HERC3: variants seen among roughly 807,000 people sequenced by gnomAD.
The protein encoded by HERC3 is probable E3 ubiquitin-protein ligase HERC3.
A neutral mutation model predicts 129.9 loss-of-function variants in HERC3; 58 were observed. That is an observed-to-expected ratio of 0.45 (90% CI 0.36 to 0.56). The LOEUF (loss-of-function observed/expected upper bound fraction) is 0.56, where lower values mean the gene tolerates loss of function less well. HERC3 is among the 20% of genes least tolerant of loss of function. The probability of loss-of-function intolerance (pLI) is 0.00; values close to 1 mark genes in which losing one functional copy is unlikely to be tolerated. For missense variants in HERC3, 835 were observed against 1,244.2 expected (o/e 0.67, Z 4.95); for synonymous variants, 430 against 451.0 (o/e 0.95, Z 0.59).
the HERC3 span, among the ~76,000 whole-genome samples, chr4:88,575,629 A>T: frequency 1.3e-5 from 2 of 152,238 alleles, no homozygotes. Flanking sequence ...TTTACATTAG[A>T]CATTCAGTAA....
chr4:88,545,593 A>AT, the HERC3 span, among the ~76,000 whole-genome samples: 12 of 151,468 alleles, frequency 7.9e-5, no homozygotes, highest in Admixed American at 7.9e-4. Context: ...ATGTATGAGA[A>AT]TTTTTTTTCT....
the HERC3 span, among the ~76,000 whole-genome samples, chr4:88,557,271 T>A: frequency 6.6e-6 from 1 of 152,218 alleles, no homozygotes; most frequent in East Asian, 1.9e-4. Flanking sequence ...AGTTACTTAA[T>A]GTTAAGAGCT....
chr4:88,649,886 T>TGGCGAGTCCCACAGTCTGGCCCTCAGTG lies in HERC3; in HGVS notation c.274_301dup (p.Asp101GlyfsTer10), dbSNP rs755930923. 6.2e-7 allele frequency: 1 copy of TGGCGAGTCCCACAGTCTGGCCCTCAGTG among 1,614,076 alleles called. No homozygotes were observed. On this transcript the variant is annotated frameshift_variant, in exon 4 of 26. Coordinates refer to ENST00000402738, the MANE Select transcript of HERC3 (RefSeq NM_014606.3). LOFTEE classifies it high-confidence loss of function. ...ATCAGCATATCATTCATGTGGCATG[T>TGGCGAGTCCCACAGTCTGGCCCTCAGTG]GGCGAGTCCCACAGTCTGGCCCTCA...
Position 88,707,115 on chromosome 4 carries a change from T to C in HERC3, c.*155T>C, listed in dbSNP as rs1735851353. Reference sequence around the variant, plus strand: ...TGGTTGATGTGTTTCTGGGATTGTATAGCAGTAAACAACCTTTTTGAAAAA... The same window carrying C: ...TGGTTGATGTGTTTCTGGGATTGTACAGCAGTAAACAACCTTTTTGAAAAA... On this transcript the variant is annotated 3_prime_UTR_variant, in exon 26 of 26. Coordinates refer to ENST00000402738, the MANE Select transcript of HERC3 (RefSeq NM_014606.3). The C allele has an allele frequency of 1.5e-6, 1 of 660,792 alleles. No homozygotes were observed. The highest frequency in any genetic ancestry group is 2.6e-6 in the Non-Finnish European group (1 of 384,450). The allele number at this position is 660,792 out of a possible 1,614,324, so 40.9% of individuals were successfully genotyped here.
chr4:88,638,678 C>T (rs2149253159), intron 3 of HERC3, among the ~76,000 whole-genome samples: 1 of 152,212 alleles, frequency 6.6e-6, no homozygotes, highest in East Asian at 1.9e-4. Context: ...TGAAAACTGG[C>T]ACAAGACAAG....
At chr4:88,649,060 C>T (rs1426623800) in intron 3 of HERC3, among the ~76,000 whole-genome samples, 1 of 152,126 alleles carries the variant, frequency 6.6e-6, no homozygotes, top group African/African-American at 2.4e-5. Context: ...ACTTTGCTCC[C>T]TGCATGATCT....
At chr4:88,611,326 T>C (rs1724293602) in intron 3 of HERC3, among the ~76,000 whole-genome samples, 1 of 152,198 alleles carries the variant, frequency 6.6e-6, no homozygotes, top group Non-Finnish European at 1.5e-5. Context: ...CTGTGTTTGC[T>C]TATTGAGAAC....
At chr4:88,559,475 CTA>C in the HERC3 span, among the ~76,000 whole-genome samples, 1 of 152,228 alleles carries the variant, frequency 6.6e-6, no homozygotes, top group Admixed American at 6.5e-5. Flanking sequence ...GTTTTGTTCT[CTA>C]TCTCTGTATA....
intron 23 of HERC3, among the ~76,000 whole-genome samples, chr4:88,694,708 T>A (rs1206280618): frequency 6.6e-6 from 1 of 152,226 alleles, no homozygotes; most frequent in Non-Finnish European, 1.5e-5. Flanking sequence ...TGGGAAGAAC[T>A]GACGTTTTTG....
rs1735858692 is a variant in HERC3, at chr4:88,707,242, G to A, written c.*282G>A. 1 of 390,896 alleles carries A rather than the reference G, an allele frequency of 2.6e-6. No individual in the cohort carries two copies. The highest frequency in any genetic ancestry group is 3.0e-5 in the South Asian group (1 of 33,176). 24.2% of individuals were successfully genotyped at this position (390,896 alleles called of 1,614,324 possible). ...CAGTATTCCTTGCACTTGTGAATGT[G>A]TTGCACTCTGCTGGATGAAATGGCA... is the stretch of plus-strand genomic sequence containing the variant. On this transcript the variant is annotated 3_prime_UTR_variant, in exon 26 of 26. Coordinates refer to ENST00000402738, the MANE Select transcript of HERC3 (RefSeq NM_014606.3).
intron 20 of HERC3, among the ~76,000 whole-genome samples, chr4:88,680,567 A>G (rs1468514665): frequency 6.6e-6 from 1 of 152,244 alleles, no homozygotes; most frequent in Admixed American, 6.5e-5. Flanking sequence ...ATTAATAACT[A>G]TGATAATATA....
At chr4:88,700,699 AG>A (rs1260550966) in intron 23 of HERC3, among the ~76,000 whole-genome samples, 2 of 150,782 alleles carry the variant, frequency 1.3e-5, no homozygotes, top group African/African-American at 4.9e-5. Context: ...TGTGAAGCCG[AG>A]GGGGGTGGGG....
chr4:88,543,116 G>C, the HERC3 span, among the ~76,000 whole-genome samples: 2 of 152,074 alleles, frequency 1.3e-5, no homozygotes, highest in African/African-American at 4.8e-5. Context: ...AGAAATAAAG[G>C]GTATTCAATT....
intron 23 of HERC3, among the ~76,000 whole-genome samples, chr4:88,700,699 A>G (rs1159510031): frequency 6.6e-6 from 1 of 150,782 alleles, no homozygotes; most frequent in Non-Finnish European, 1.5e-5. Flanking sequence ...TGTGAAGCCG[A>G]GGGGGGTGGG....
chr4:88,597,154 G>T (rs1210322785), intron 2 of HERC3, among the ~76,000 whole-genome samples: 2 of 152,156 alleles, frequency 1.3e-5, no homozygotes, highest in Non-Finnish European at 2.9e-5. Flanking sequence ...ATATGTTCAT[G>T]AGTTTCTCAC....
At chr4:88,672,177 G>T (rs1731681308) in intron 16 of HERC3, among the ~76,000 whole-genome samples, 1 of 152,074 alleles carries the variant, frequency 6.6e-6, no homozygotes, top group African/African-American at 2.4e-5. Flanking sequence ...CTAACAAATT[G>T]TAATTCTTTT....
chr4:88,603,675 T>C (rs1464422909), intron 2 of HERC3, among the ~76,000 whole-genome samples: 3 of 152,250 alleles, frequency 2.0e-5, no homozygotes, highest in Non-Finnish European at 2.9e-5. Context: ...ACTTAAGATT[T>C]CCAACTTTAT....
intron 2 of HERC3, among the ~76,000 whole-genome samples, chr4:88,604,121 A>G (rs1193379830): frequency 6.6e-6 from 1 of 152,148 alleles, no homozygotes; most frequent in Admixed American, 6.5e-5. Context: ...CCCGGATTCA[A>G]GCGATTCTCC....
chr4:88,670,134 A>G lies in HERC3; in HGVS notation c.1798-5A>G. ...TTCAGTTGTCTGTATTTTGTTCTTC[A>G]TTAGGTAAATCTTAAAGTGAAGCAT... On this transcript the variant is annotated splice_region_variant and splice_polypyrimidine_tract_variant and intron_variant, in intron 15 of 25. Coordinates refer to ENST00000402738, the MANE Select transcript of HERC3 (RefSeq NM_014606.3). The G allele has an allele frequency of 1.2e-6, 2 of 1,609,186 alleles. No individual in the cohort carries two copies. The highest frequency in any genetic ancestry group is 8.5e-7 in the Non-Finnish European group (1 of 1,175,726).
Sources: gnomAD v4.1 joint callset for allele counts (sites outside exome capture counted in the v4.1 genomes callset) on GRCh38, gnomAD v4.1.1 for gene constraint, MANE v1.5 for transcripts, NCBI Gene and HGNC (gene_info 2026-07-23, HGNC 2026-07-21) for gene names.